The following AOPEP variants were observed in gnomAD, a reference collection of about 807,000 sequenced individuals.
AOPEP encodes aminopeptidase O.
AOPEP carries 77 observed loss-of-function variants against 98.1 expected under a neutral mutation model. The ratio of observed to expected loss-of-function variants is 0.78; its 90% CI spans 0.65 to 0.95. The LOEUF (loss-of-function observed/expected upper bound fraction) is 0.95, where lower values mean the gene tolerates loss of function less well. Among genes scored for constraint, AOPEP ranks in the 40% least tolerant of loss-of-function variants. The probability of loss-of-function intolerance (pLI) is 0.00; values close to 1 mark genes in which losing one functional copy is unlikely to be tolerated. For missense variants in AOPEP, 1,024 were observed against 1,024.7 expected (o/e 1.00, Z 0.01); for synonymous variants, 346 against 365.3 (o/e 0.95, Z 0.60).
intron 14 of AOPEP, among the ~76,000 whole-genome samples, chr9:95,070,831 T>C (rs528794036): frequency 6.6e-6 from 1 of 152,354 alleles, no homozygotes; most frequent in East Asian, 1.9e-4. Flanking sequence ...CTAGGAGATG[T>C]GGACGCGTCA....
At chr9:94,772,054 T>C (rs1841016322) in intron 2 of AOPEP, among the ~76,000 whole-genome samples, 1 of 152,232 alleles carries the variant, frequency 6.6e-6, no homozygotes, top group African/African-American at 2.4e-5. Context: ...TATAATGATG[T>C]TAATGAAAAA....
At chr9:95,046,624 C>T (rs1393670974) in intron 13 of AOPEP, among the ~76,000 whole-genome samples, 2 of 152,134 alleles carry the variant, frequency 1.3e-5, no homozygotes, top group African/African-American at 4.8e-5. Context: ...CAGCTAAGAA[C>T]GACTTCTAGA....
chr9:94,732,584 C>T (rs1354980626), intron 1 of AOPEP, among the ~76,000 whole-genome samples: 1 of 152,082 alleles, frequency 6.6e-6, no homozygotes, highest in Non-Finnish European at 1.5e-5. Flanking sequence ...ATTTTATTAC[C>T]TTATTCACAT....
intron 1 of AOPEP, among the ~76,000 whole-genome samples, chr9:94,747,805 A>G (rs190716605): frequency 5.0e-4 from 76 of 152,330 alleles, no homozygotes; most frequent in Non-Finnish European, 9.6e-4. Flanking sequence ...CACCTGCCCC[A>G]ACATTTGAGG....
chr9:94,861,773 A>G (rs2045036691), intron 5 of AOPEP, among the ~76,000 whole-genome samples: 1 of 152,184 alleles, frequency 6.6e-6, no homozygotes, highest in African/African-American at 2.4e-5. Flanking sequence ...CGAGTAGTAC[A>G]CCTGGTGCAG....
the AOPEP span, among the ~76,000 whole-genome samples, chr9:95,092,198 G>T: frequency 5.3e-5 from 8 of 152,146 alleles, no homozygotes; most frequent in African/African-American, 1.9e-4. Context: ...GAACCAGACC[G>T]GTCCCTGCGG....
the AOPEP span, chr9:95,123,623 G>A: frequency 1.7e-6 from 1 of 605,718 alleles, no homozygotes; most frequent in Admixed American, 1.9e-5. Flanking sequence ...CAAGGACAAG[G>A]CTATTAACAA....
intron 5 of AOPEP, among the ~76,000 whole-genome samples, chr9:94,882,651 C>T (rs1413380971): frequency 6.6e-6 from 1 of 152,200 alleles, no homozygotes; most frequent in Non-Finnish European, 1.5e-5. Flanking sequence ...TGGTGGGAGC[C>T]TGTAATCCCA....
chr9:95,088,347 T>C (rs907184866), downstream of AOPEP, among the ~76,000 whole-genome samples: 9 of 152,138 alleles, frequency 5.9e-5, no homozygotes, highest in Non-Finnish European at 1.2e-4. Context: ...GTAGCTGGGA[T>C]TACAGGCTCC....
the AOPEP span, among the ~76,000 whole-genome samples, chr9:95,147,360 C>T: frequency 0.036 from 5,543 of 152,102 alleles, 302 homozygotes; most frequent in African/African-American, 0.12. Flanking sequence ...CTACTAAAAA[C>T]ACAAAATTAG....
intron 11 of AOPEP, among the ~76,000 whole-genome samples, chr9:94,984,592 T>C (rs1201330422): frequency 6.6e-6 from 1 of 152,198 alleles, no homozygotes; most frequent in African/African-American, 2.4e-5. Context: ...TGGTTACATG[T>C]TGAAATGATA....
the AOPEP span, chr9:95,111,231 CAGG>C: frequency 2.0e-6 from 3 of 1,537,182 alleles, no homozygotes; most frequent in African/African-American, 1.4e-5. Flanking sequence ...CTTCGTTTTG[CAGG>C]AGAATGGGCT....
At chr9:94,817,713 C>T (rs368316114) in intron 5 of AOPEP, among the ~76,000 whole-genome samples, 7 of 152,264 alleles carry the variant, frequency 4.6e-5, no homozygotes, top group South Asian at 2.1e-4. Context: ...AAACCAAGGA[C>T]CTTGAAGGGG....
At chr9:94,983,021 T>G (rs1014858177) in intron 11 of AOPEP, among the ~76,000 whole-genome samples, 1 of 149,602 alleles carries the variant, frequency 6.7e-6, no homozygotes, top group Non-Finnish European at 1.5e-5. Flanking sequence ...TTTTGTTTTG[T>G]TTTGTTTTTG....
At chr9:94,836,613 G>A (rs1282901148) in intron 5 of AOPEP, among the ~76,000 whole-genome samples, 1 of 152,142 alleles carries the variant, frequency 6.6e-6, no homozygotes, top group Admixed American at 6.5e-5. Context: ...TTTGTCAGAT[G>A]TATGATTTGC....
In AOPEP at chr9:94,907,581, T is replaced by TGTGTGCACACACATGCAC. The variant is rs556831603; in HGVS notation, c.1365-16404_1365-16387dup. On this transcript the variant is annotated intron_variant, in intron 5 of 16. Transcript: ENST00000375315. ...TTTTTTGCCCCTTTACACACATGCA[T>TGTGTGCACACACATGCAC]GTGTGCACACACATGCACACCCTCC... 2.8e-3 allele frequency among the ~76,000 whole-genome samples: 433 copies of TGTGTGCACACACATGCAC among 152,198 alleles called. 1 individual carries two copies. In the Middle Eastern group the frequency reaches 0.031, roughly 11 times the overall value.
At chr9:94,731,664 T>C (rs1217308829) in intron 1 of AOPEP, among the ~76,000 whole-genome samples, 1 of 152,152 alleles carries the variant, frequency 6.6e-6, no homozygotes, top group Non-Finnish European at 1.5e-5. Flanking sequence ...GCAGTTCTTT[T>C]GCATTTGGGC....
At chr9:95,053,621 T>C (rs2133827653) in intron 13 of AOPEP, among the ~76,000 whole-genome samples, 1 of 152,366 alleles carries the variant, frequency 6.6e-6, no homozygotes, top group Middle Eastern at 3.4e-3. Context: ...AACTCAGAAT[T>C]ATAAAATGTA....
intron 11 of AOPEP, among the ~76,000 whole-genome samples, chr9:94,982,028 A>T (rs1177133733): frequency 6.6e-6 from 1 of 152,206 alleles, no homozygotes. Flanking sequence ...AAGAAATTGG[A>T]TCCTAACCTC....
Sources: allele counts gnomAD v4.1 joint callset (sites outside exome capture counted in the v4.1 genomes callset), GRCh38; gene constraint gnomAD v4.1.1; transcripts MANE v1.5; gene names NCBI Gene and HGNC (gene_info 2026-07-23, HGNC 2026-07-21).